Variants in DLGAP1 observed in about 807,000 individuals in gnomAD.
The protein encoded by DLGAP1 is disks large-associated protein 1.
In DLGAP1, 11 loss-of-function variants were observed where a neutral mutation model predicts 90.8. The ratio of observed to expected loss-of-function variants is 0.12; its 90% confidence interval spans 0.08 to 0.20. DLGAP1 has a LOEUF of 0.20. Ranked by LOEUF, DLGAP1 falls within the 10% of genes least tolerant of loss-of-function variation. The pLI, the probability that DLGAP1 is intolerant of heterozygous loss-of-function variation, is 1.00. For synonymous variants in DLGAP1, 558 were observed against 540.7 expected (o/e 1.03, Z -0.44); for missense variants, 1,050 against 1,333.8 (o/e 0.79, Z 3.31).
chr18:4,263,837 T>C (rs990081036), intron 1 of DLGAP1, among the ~76,000 whole-genome samples: 26 of 152,328 alleles, frequency 1.7e-4, no homozygotes, highest in African/African-American at 6.0e-4. Context: ...CTTCAGAACA[T>C]TAAACTACAT....
chr18:3,744,529 C>T (rs185642058), intron 5 of DLGAP1, among the ~76,000 whole-genome samples: 4 of 152,160 alleles, frequency 2.6e-5, no homozygotes, highest in East Asian at 1.9e-4. Flanking sequence ...ATAAATTTAA[C>T]GTAATTGCGA....
intron 2 of DLGAP1, among the ~76,000 whole-genome samples, chr18:4,055,129 G>A (rs556887668): frequency 1.3e-5 from 2 of 152,282 alleles, no homozygotes; most frequent in Admixed American, 1.3e-4. Flanking sequence ...CATGTGACAT[G>A]AGCAGTGAGG....
intron 1 of DLGAP1, among the ~76,000 whole-genome samples, chr18:4,354,038 C>T (rs1172537820): frequency 6.6e-6 from 1 of 152,164 alleles, no homozygotes; most frequent in Non-Finnish European, 1.5e-5. Flanking sequence ...GCTGTTGTTA[C>T]CGCCATCGAC....
intron 1 of DLGAP1, among the ~76,000 whole-genome samples, chr18:4,405,234 T>C (rs1390875304): frequency 1.3e-5 from 2 of 152,176 alleles, no homozygotes; most frequent in Non-Finnish European, 2.9e-5. Flanking sequence ...ATTAATGCCA[T>C]AGGTATCCCT....
intron 4 of DLGAP1, among the ~76,000 whole-genome samples, chr18:3,870,471 A>G (rs1324284004): frequency 6.6e-6 from 1 of 152,158 alleles, no homozygotes; most frequent in East Asian, 1.9e-4. Context: ...TGTAGCTTTT[A>G]GCGTATGTAT....
intron 1 of DLGAP1, among the ~76,000 whole-genome samples, chr18:4,297,167 A>C (rs1297355777): frequency 2.0e-5 from 3 of 152,164 alleles, no homozygotes; most frequent in African/African-American, 7.2e-5. Flanking sequence ...AGATATGCCA[A>C]TTTTATAAAT....
At chr18:4,038,473 G>A (rs528214044) in intron 2 of DLGAP1, among the ~76,000 whole-genome samples, 1 of 152,138 alleles carries the variant, frequency 6.6e-6, no homozygotes, top group African/African-American at 2.4e-5. Flanking sequence ...AAAACCGCTT[G>A]CAGATAGTTC....
chr18:3,590,621 G>A (rs548995678), intron 7 of DLGAP1, among the ~76,000 whole-genome samples: 14 of 152,172 alleles, frequency 9.2e-5, no homozygotes, highest in East Asian at 3.9e-4. Context: ...CTGGGAGGTC[G>A]AGGCCAGTGG....
At chr18:4,309,363 G>A (rs1424963148) in intron 1 of DLGAP1, among the ~76,000 whole-genome samples, 1 of 152,150 alleles carries the variant, frequency 6.6e-6, no homozygotes, top group Non-Finnish European at 1.5e-5. Flanking sequence ...GGTGAGAAAA[G>A]TTTTAAAATG....
At chr18:4,115,669 G>A (rs1317125495) in intron 2 of DLGAP1, among the ~76,000 whole-genome samples, 1 of 151,976 alleles carries the variant, frequency 6.6e-6, no homozygotes, top group Non-Finnish European at 1.5e-5. Flanking sequence ...TGTATTTTTA[G>A]TACAGACGGG....
Position 3,956,390 on chromosome 18 carries a change from C to T in DLGAP1, c.-73+48726G>A, listed in dbSNP as rs1447006085. ...TTTGAGACGGAGTCTCGCTCTGTCG[C>T]CCAGGCTGGAGTGCAGTGGCGTGAT... On this transcript the variant is annotated intron_variant, in intron 3 of 12. Transcript: ENST00000315677. Among the ~76,000 whole-genome samples the T allele has an allele frequency of 2.0e-5, 3 of 152,086 alleles. No homozygotes were observed. The East Asian group carries it at 5.8e-4, about 29-fold the overall frequency.
At chr18:4,154,797 C>CTCATTCATTCTCTCAT (rs1323255842) in intron 1 of DLGAP1, among the ~76,000 whole-genome samples, 1 of 152,154 alleles carries the variant, frequency 6.6e-6, no homozygotes, top group Non-Finnish European at 1.5e-5. Context: ...AGGGAAAGCA[C>CTCATTCATTCTCTCAT]TCATTCATTC....
At chr18:4,211,591 A>G (rs2077843289) in intron 1 of DLGAP1, among the ~76,000 whole-genome samples, 1 of 152,166 alleles carries the variant, frequency 6.6e-6, no homozygotes, top group Non-Finnish European at 1.5e-5. Flanking sequence ...GGACTCTCCA[A>G]TAAGACGAGT....
chr18:3,955,643 G>C (rs2073069741), intron 3 of DLGAP1, among the ~76,000 whole-genome samples: 3 of 152,142 alleles, frequency 2.0e-5, no homozygotes, highest in East Asian at 3.9e-4. Context: ...GAACCCAGGA[G>C]GTAGAGGTTG....
intron 3 of DLGAP1, among the ~76,000 whole-genome samples, chr18:3,912,652 C>G (rs1054473590): frequency 6.6e-6 from 1 of 152,012 alleles, no homozygotes; most frequent in Non-Finnish European, 1.5e-5. Context: ...AAATGCCAAA[C>G]CAGGGAGGTG....
chr18:3,959,974 A>G (rs1280564089), intron 3 of DLGAP1, among the ~76,000 whole-genome samples: 4 of 152,188 alleles, frequency 2.6e-5, no homozygotes, highest in Admixed American at 2.0e-4. Context: ...ACAGCTGCAC[A>G]TGACCAGTAG....
rs1380474818 is a variant in DLGAP1, at chr18:4,281,455, G to A, written c.-266-130168C>T. Among the ~76,000 whole-genome samples the A allele has an allele frequency of 3.9e-5, 6 of 152,170 alleles. No homozygotes were observed. In the East Asian group the frequency reaches 1.2e-3, roughly 29 times the overall value. On this transcript the variant is annotated intron_variant, in intron 1 of 12. Coordinates refer to ENST00000315677, the MANE Select transcript of DLGAP1 (RefSeq NM_004746.4). ...TGTAATCTCAGCTACTCGGGAGGCT[G>A]AGGCAGGAGAATTGCCTAAACCCAG... is the stretch of plus-strand genomic sequence containing the variant.
At chr18:4,063,797 T>C (rs1254625797) in intron 2 of DLGAP1, among the ~76,000 whole-genome samples, 1 of 152,118 alleles carries the variant, frequency 6.6e-6, no homozygotes, top group Non-Finnish European at 1.5e-5. Context: ...GCTCTGAGGC[T>C]GCATTCTTTA....
chr18:4,272,990 G>T (rs1313497643), intron 1 of DLGAP1, among the ~76,000 whole-genome samples: 3 of 152,040 alleles, frequency 2.0e-5, no homozygotes, highest in African/African-American at 7.2e-5. Flanking sequence ...GAGAAGCTAG[G>T]ATGCATCAAG....
Sources: gnomAD v4.1 joint callset for allele counts (sites outside exome capture counted in the v4.1 genomes callset) on GRCh38, gnomAD v4.1.1 for gene constraint, MANE v1.5 for transcripts, NCBI Gene and HGNC (gene_info 2026-07-23, HGNC 2026-07-21) for gene names.